The following DLG2 variants were observed in gnomAD, a reference collection of about 807,000 sequenced individuals.
DLG2 encodes the protein disks large homolog 2.
DLG2 carries 45 observed loss-of-function variants against 132.5 expected under a neutral mutation model. The observed-to-expected ratio is 0.34, with a 90% CI of 0.27 to 0.44. DLG2 has a LOEUF of 0.44. DLG2 is among the 20% of genes least tolerant of loss of function. The pLI, the probability that DLG2 is intolerant of heterozygous loss-of-function variation, is 1.00. For missense variants in DLG2, 1,045 were observed against 1,196.9 expected, an observed-to-expected ratio of 0.87 and a Z score of 1.87; for synonymous variants, 424 against 419.6, an observed-to-expected ratio of 1.01 and a Z score of -0.13.
At chr11:84,218,568 G>A (rs2096871631) in intron 8 of DLG2, among the ~76,000 whole-genome samples, 1 of 152,186 alleles carries the variant, frequency 6.6e-6, no homozygotes, top group Admixed American at 6.5e-5. Flanking sequence ...TAAGAAAACG[G>A]TATCCCTTGT....
intron 6 of DLG2, among the ~76,000 whole-genome samples, chr11:84,742,123 GA>G (rs978301191): frequency 1.3e-5 from 2 of 149,678 alleles, no homozygotes; most frequent in African/African-American, 2.5e-5. Context: ...AGGCAGACAA[GA>G]AAAAAAAATG....
At chr11:84,857,870 C>T (rs559593974) in intron 6 of DLG2, among the ~76,000 whole-genome samples, 1 of 151,912 alleles carries the variant, frequency 6.6e-6, no homozygotes, top group Non-Finnish European at 1.5e-5. Context: ...CTGTTATTCA[C>T]CCAATATTTG....
intron 6 of DLG2, among the ~76,000 whole-genome samples, chr11:84,992,171 T>C (rs565838328): frequency 3.9e-5 from 6 of 152,282 alleles, no homozygotes; most frequent in African/African-American, 1.4e-4. Context: ...GTCTTTTTCT[T>C]GGGGAAGTCT....
chr11:85,347,640 G>A (rs2082942034), intron 3 of DLG2, among the ~76,000 whole-genome samples: 1 of 151,908 alleles, frequency 6.6e-6, no homozygotes, highest in East Asian at 1.9e-4. Flanking sequence ...CCCCCATGAT[G>A]TTAATTAATC....
At chr11:84,193,207 A>C (rs2096449462) in intron 8 of DLG2, among the ~76,000 whole-genome samples, 1 of 152,178 alleles carries the variant, frequency 6.6e-6, no homozygotes, top group African/African-American at 2.4e-5. Context: ...CCTGGCCCCG[A>C]ACTCTGGCAG....
At chr11:85,175,345 A>T (rs542664299) in intron 4 of DLG2, among the ~76,000 whole-genome samples, 1 of 152,234 alleles carries the variant, frequency 6.6e-6, no homozygotes, top group South Asian at 2.1e-4. Flanking sequence ...GATTCATCAC[A>T]TAAACAGAAC....
At chr11:83,863,646 G>C (rs559099484) in intron 16 of DLG2, among the ~76,000 whole-genome samples, 2 of 149,884 alleles carry the variant, frequency 1.3e-5, no homozygotes, top group African/African-American at 5.0e-5. Context: ...GCCATTTATA[G>C]ACTTAAAAAA....
chr11:85,272,410 CTGATAT>C, intron 4 of DLG2, among the ~76,000 whole-genome samples: 2 of 152,274 alleles, frequency 1.3e-5, no homozygotes, highest in East Asian at 3.9e-4. Flanking sequence ...ATTGTGGAGA[CTGATAT>C]GTCTTAAATC....
At chr11:85,037,127 C>G (rs1025518216) in intron 6 of DLG2, among the ~76,000 whole-genome samples, 10 of 152,216 alleles carry the variant, frequency 6.6e-5, no homozygotes, top group Non-Finnish European at 1.3e-4. Flanking sequence ...AATCCATCAA[C>G]TCACCTGAGC....
intron 7 of DLG2, among the ~76,000 whole-genome samples, chr11:84,256,730 G>T (rs767753160): frequency 3.9e-5 from 6 of 152,166 alleles, no homozygotes; most frequent in Non-Finnish European, 7.3e-5. Context: ...CCCTATAAAT[G>T]ACTTTTATAT....
At chr11:85,322,595 C>T (rs1357660485) in intron 3 of DLG2, among the ~76,000 whole-genome samples, 3 of 152,056 alleles carry the variant, frequency 2.0e-5, no homozygotes, top group African/African-American at 4.8e-5. Context: ...ATCCTTAAAC[C>T]TCTCTTATTA....
chr11:83,949,245 A>G (rs2084811493), intron 14 of DLG2, among the ~76,000 whole-genome samples: 1 of 152,162 alleles, frequency 6.6e-6, no homozygotes, highest in Non-Finnish European at 1.5e-5. Context: ...GGTATCCAGC[A>G]CCAAGCAGAT....
intron 6 of DLG2, among the ~76,000 whole-genome samples, chr11:84,905,644 C>A (rs1329746372): frequency 6.6e-6 from 1 of 152,154 alleles, no homozygotes; most frequent in African/African-American, 2.4e-5. Flanking sequence ...TCTCCATGTG[C>A]CTCAGGCCAA....
chr11:84,527,352 A>T (rs2099324428), intron 7 of DLG2, among the ~76,000 whole-genome samples: 1 of 152,188 alleles, frequency 6.6e-6, no homozygotes, highest in Non-Finnish European at 1.5e-5. Flanking sequence ...AAAATAGTAT[A>T]AAAATACACA....
chr11:85,555,847 G>T lies in DLG2; in HGVS notation c.40+42810C>A, dbSNP rs750244108. Among the ~76,000 whole-genome samples, 17 of 151,700 alleles carry T rather than the reference G, an allele frequency of 1.1e-4. 1 individual carries two copies. The highest frequency in any genetic ancestry group is 2.2e-4 in the Non-Finnish European group (15 of 67,808). ...TTTGCTCCAGGCGAGTGCCCTTTGG[G>T]TTTATTTATTTCCCCTGAAAGTTAT... On this transcript the variant is annotated intron_variant, in intron 3 of 27. Coordinates refer to ENST00000376104, the MANE Select transcript of DLG2 (RefSeq NM_001142699.3).
chr11:84,864,373 A>G (rs574937370), intron 6 of DLG2, among the ~76,000 whole-genome samples: 2 of 152,254 alleles, frequency 1.3e-5, no homozygotes, highest in South Asian at 2.1e-4. Context: ...GAACCTATAC[A>G]TACACTTCTA....
intron 3 of DLG2, among the ~76,000 whole-genome samples, chr11:85,535,595 CAG>C (rs1479207255): frequency 6.6e-6 from 1 of 152,056 alleles, no homozygotes; most frequent in Non-Finnish European, 1.5e-5. Context: ...AGAAGTTAAA[CAG>C]AGTTACCATA....
intron 18 of DLG2, among the ~76,000 whole-genome samples, chr11:83,662,527 G>T (rs1468298319): frequency 6.6e-6 from 1 of 152,114 alleles, no homozygotes; most frequent in East Asian, 1.9e-4. Context: ...CTATAATTCT[G>T]GCTCTATGGA....
intron 3 of DLG2, among the ~76,000 whole-genome samples, chr11:85,417,932 T>A (rs778722575): frequency 6.6e-6 from 1 of 152,106 alleles, no homozygotes; most frequent in Non-Finnish European, 1.5e-5. Context: ...AATGTCTCTA[T>A]CTCTTTCAGT....
Sources: gnomAD v4.1 joint callset for allele counts (sites outside exome capture counted in the v4.1 genomes callset) on GRCh38, gnomAD v4.1.1 for gene constraint, MANE v1.5 for transcripts, NCBI Gene and HGNC (gene_info 2026-07-23, HGNC 2026-07-21) for gene names.